Variants in MBD6 observed in about 807,000 individuals in gnomAD.
MBD6 encodes methyl-CpG binding domain protein 6, also known as methyl-CpG-binding domain protein 6.
In MBD6, 22 loss-of-function variants were observed where a neutral mutation model predicts 66.8. The observed-to-expected ratio is 0.33, with a 90% confidence interval of 0.24 to 0.47. MBD6 has a LOEUF of 0.47. Ranked by LOEUF, MBD6 falls within the 20% of genes least tolerant of loss-of-function variation. The pLI is 1.00. For synonymous variants in MBD6, 540 were observed against 534.6 expected, an observed-to-expected ratio of 1.01 and a Z score of -0.14; for missense variants, 1,322 against 1,286.9, an observed-to-expected ratio of 1.03 and a Z score of -0.42.
chr12:57,528,339 G>A lies in MBD6; in HGVS notation c.2599G>A (p.Gly867Ser), dbSNP rs754254277. The A allele has an allele frequency of 1.7e-5, 28 of 1,610,956 alleles. No homozygotes were observed. Among genetic ancestry groups the A allele is most frequent in the Admixed American group, 1.5e-4 (9 of 59,828 alleles). ...RGRRGGGGLR[G>S]INGEARPARG... is the part of the protein sequence containing the mutation. The stretch of plus-strand genomic sequence containing the variant: ...CCGGAGGGGAGGAGGGGGACTTAGG[G>A]GCATTAATGGTGAGGCCAGGCCAGC... Residue 867 changes from glycine to serine, a missense_variant, in exon 10 of 13, where the codon GGC becomes AGC. By Grantham distance (56) the Gly-to-Ser change is moderately conservative. Coordinates refer to ENST00000355673, the MANE Select transcript of MBD6 (RefSeq NM_052897.4).
chr12:57,527,591 G>C lies in MBD6; in HGVS notation c.2167G>C (p.Gly723Arg). The C allele has an allele frequency of 6.2e-7, 1 of 1,613,940 alleles. No homozygotes were observed. The highest frequency in any genetic ancestry group is 8.5e-7 in the Non-Finnish European group (1 of 1,179,962). Residue 723 changes from glycine to arginine, a missense_variant, in exon 8 of 13, where the codon GGC (glycine) becomes CGC (arginine). Gly to Arg is a moderately radical substitution (Grantham distance 125). Transcript: ENST00000355673. Reference protein sequence around the residue: ...ATTDPGASSLGKAPSNSGRPP... With the variant: ...ATTDPGASSLRKAPSNSGRPP... ...TACTGACCCGGGGGCCTCCTCTCTG[G>C]GCAAGGCCCCCTCCAACTCAGGGAG...
chr12:57,527,996 C>T lies in MBD6; in HGVS notation c.2385C>T (p.Ala795=), dbSNP rs780447457. ...TCTCAGAGGCTTCTAGTCCCCTAGC[C>T]TGCCTGCTACAGAGTCTCCAGGTGA... The part of the protein sequence containing the change: ...PPLSEASSPL[A]CLLQSLQIPP... The change falls in exon 9 of 13, where the codon GCC becomes GCT. Residue 795 remains alanine (A), a synonymous_variant. Coordinates refer to ENST00000355673, the MANE Select transcript of MBD6 (RefSeq NM_052897.4). The T allele has an allele frequency of 1.9e-6, 3 of 1,547,376 alleles. No homozygotes were observed. In the South Asian group the frequency reaches 3.7e-5, roughly 19 times the overall value.
chr12:57,528,759 T>A (rs575580967), intron 11 of MBD6, 41 bp downstream of exon 11: 25 of 1,613,082 alleles, frequency 1.5e-5, no homozygotes, highest in Non-Finnish European at 2.0e-5. Flanking sequence ...TTTGCCTACT[T>A]CTTTTTGGTT....
chr12:57,527,280 G>C, intron 7 of MBD6, 53 bp downstream of exon 7: 2 of 1,235,576 alleles, frequency 1.6e-6, no homozygotes, highest in South Asian at 1.5e-5. Context: ...ATAAGAGATG[G>C]GAGCTGGGAA....
Position 57,528,725 on chromosome 12 carries a change from G to C in MBD6, c.2873+7G>C. The C allele has an allele frequency of 6.2e-7, 1 of 1,614,226 alleles. No individual in the cohort carries two copies. Among genetic ancestry groups the C allele is most frequent in the Non-Finnish European group, 8.5e-7 (1 of 1,180,032 alleles). Reference sequence around the variant, plus strand: ...GCCGTAGGAGAAAATACAAGTGAGTGTTGGGCCTACTATAGTGCTGGCCTT... The same window carrying C: ...GCCGTAGGAGAAAATACAAGTGAGTCTTGGGCCTACTATAGTGCTGGCCTT... On this transcript the variant is annotated splice_region_variant and intron_variant, in intron 11 of 12. Coordinates refer to ENST00000355673, the MANE Select transcript of MBD6 (RefSeq NM_052897.4).
chr12:57,523,758 TCTA>T (rs891741672), intron 1 of MBD6, among the ~76,000 whole-genome samples: 32 of 152,310 alleles, frequency 2.1e-4, no homozygotes, highest in Admixed American at 1.8e-3. Context: ...GTTGAAGTCT[TCTA>T]CTCCGAATGG....
intron 2 of MBD6, 32 bp from the exon 3 acceptor site, chr12:57,524,248 C>T (rs1386045754): frequency 5.9e-6 from 8 of 1,349,906 alleles, no homozygotes; most frequent in East Asian, 2.3e-5. Context: ...GTTTAATCCT[C>T]CTAGTGCCTA....
At chr12:57,530,580 C>A, downstream of MBD6, 1 of 975,386 alleles carries the variant, frequency 1.0e-6, no homozygotes, top group South Asian at 1.6e-5. Flanking sequence ...CCCCCAGTGT[C>A]AAATGGGATG....
rs1202755835 is a variant in MBD6, at chr12:57,526,386, C to T, written c.1418C>T (p.Pro473Leu). Residue 473 changes from proline to leucine, a missense_variant and splice_region_variant, in exon 6 of 13, where the codon CCA (proline) becomes CTA (leucine). Physicochemically the swap from Pro to Leu is moderately conservative, Grantham distance 98. Coordinates refer to ENST00000355673, the MANE Select transcript of MBD6 (RefSeq NM_052897.4). Reference protein sequence around the residue: ...GTTSGSLSSVPGAPAPPAASK... With the variant: ...GTTSGSLSSVLGAPAPPAASK... ...ACCAGTGGCAGCCTCAGCAGTGTGCCAGGTATGTGAGTATTGTGGAGCCCT... is the reference window on the plus strand; with the variant it reads ...ACCAGTGGCAGCCTCAGCAGTGTGCTAGGTATGTGAGTATTGTGGAGCCCT... 6.3e-7 allele frequency: 1 copy of T among 1,581,638 alleles called. No homozygotes were observed. Among genetic ancestry groups the T allele is most frequent in the Non-Finnish European group, 8.6e-7 (1 of 1,163,942 alleles).
chr12:57,524,461 C>G, intron 3 of MBD6, 45 bp downstream of exon 3: 1 of 1,497,662 alleles, frequency 6.7e-7, no homozygotes, highest in Non-Finnish European at 9.1e-7. Flanking sequence ...TCCAGTTGCC[C>G]AGGTTTTCTT....
rs138145236 is a variant in MBD6 at position 57,529,222 on chromosome 12, A to G, written c.3000A>G (p.Lys1000=). The G allele has an allele frequency of 1.9e-5, 31 of 1,614,016 alleles. No homozygotes were observed. The highest frequency in any genetic ancestry group is 2.6e-5 in the Non-Finnish European group (31 of 1,179,986). ...PGRPAKNKRR[K]LAP ...GTCCTGCCAAAAACAAGAGGAGGAA[A>G]CTGGCCCCATAGCAGCCATACCTGG... Residue 1000 remains lysine (K), a synonymous_variant, in exon 13 of 13, where the codon AAA becomes AAG. Coordinates refer to ENST00000355673, the MANE Select transcript of MBD6 (RefSeq NM_052897.4).
Position 57,526,983 on chromosome 12 carries a change from C to T in MBD6, c.1838C>T (p.Pro613Leu), listed in dbSNP as rs780319005. Residue 613 changes from proline to leucine, a missense_variant, in exon 7 of 13, where the codon CCT becomes CTT. Pro to Leu is a moderately conservative substitution (Grantham distance 98). Coordinates refer to ENST00000355673, the MANE Select transcript of MBD6 (RefSeq NM_052897.4). ...LPPPPSDLLP[P>L]PSAPPSNLLA... ...CCACCACCCTCAGACCTTCTTCCAC[C>T]TCCTTCAGCACCTCCCAGCAACCTC... The T allele has an allele frequency of 1.9e-6, 3 of 1,613,716 alleles. No homozygotes were observed. Among genetic ancestry groups the T allele is most frequent in the Non-Finnish European group, 2.5e-6 (3 of 1,179,974 alleles).
chr12:57,524,537 C>G, intron 3 of MBD6, 121 bp downstream of exon 3: 2 of 1,105,336 alleles, frequency 1.8e-6, no homozygotes, highest in Non-Finnish European at 2.7e-6. Context: ...CCCCTTCCTT[C>G]CTCAGCCTTT....
In MBD6 at chr12:57,524,342, TG is replaced by T; in HGVS notation, c.44del (p.Gly15AlafsTer68). On this transcript the variant is annotated frameshift_variant, in exon 3 of 13. Transcript: ENST00000355673. LOFTEE classifies it high-confidence loss of function. ...ATGAGAGCAGTGGAGCAGACAGAGC[TG>T]GGGGCCCTGTGGCCACATCTGTCCC... ...GNESSGADRA[G>X]GPVATSVPIG... 1 of 1,591,588 alleles carries T rather than the reference TG, an allele frequency of 6.3e-7. No homozygotes were observed. The highest frequency in any genetic ancestry group is 1.1e-5 in the South Asian group (1 of 88,600).
chr12:57,530,768 G>T (rs1879610507), downstream of MBD6: 1 of 1,613,558 alleles, frequency 6.2e-7, no homozygotes, highest in South Asian at 1.1e-5. Flanking sequence ...ACGCATGGTT[G>T]TCTGCACCTA....
rs200042783 is a variant in MBD6 at position 57,528,249 on chromosome 12, C to T, written c.2509C>T (p.Pro837Ser). Reference sequence around the variant, plus strand: ...GCCTCCCCTCAGTGCCTTAGCCCCACCCCATGGTTCTCCCGACCCCCCAGT... The same window carrying T: ...GCCTCCCCTCAGTGCCTTAGCCCCATCCCATGGTTCTCCCGACCCCCCAGT... ...ARPPLSALAPPHGSPDPPVPE... is the reference protein window; with the variant it reads ...ARPPLSALAPSHGSPDPPVPE... The change falls in exon 10 of 13, where the codon CCC becomes TCC. Residue 837 changes from proline to serine, a missense_variant. Coordinates refer to ENST00000355673, the MANE Select transcript of MBD6 (RefSeq NM_052897.4). The T allele has an allele frequency of 5.0e-6, 8 of 1,607,068 alleles. No individual in the cohort carries two copies. In the African/African-American group the frequency reaches 6.7e-5, roughly 13 times the overall value.
rs1203055994 is a variant in MBD6 at position 57,525,955 on chromosome 12, G to A, written c.987G>A (p.Lys329=). ...GCAGCCTACTCTCTGCAGCGGCCAA[G>A]GCACAGCATCCCCCACTACCCCCTC... ...LASSLLSAAA[K]AQHPPLPPPS... Residue 329 remains lysine (K), a synonymous_variant, in exon 6 of 13, where the codon AAG becomes AAA. Transcript: ENST00000355673. 1.2e-6 allele frequency: 2 copies of A among 1,613,292 alleles called. No individual in the cohort carries two copies. Among genetic ancestry groups the A allele is most frequent in the Non-Finnish European group, 1.7e-6 (2 of 1,179,808 alleles).
Position 57,529,274 on chromosome 12 carries a change from A to G in MBD6, c.*40A>G. 6.2e-7 allele frequency: 1 copy of G among 1,610,546 alleles called. No homozygotes were observed. Among genetic ancestry groups the G allele is most frequent in the Non-Finnish European group, 8.5e-7 (1 of 1,177,348 alleles). ...GCTGGATCTGACCCTGATTGGGGAG[A>G]GCTGAGTGCTGAGCCTTGGGAGCCC... is the stretch of plus-strand genomic sequence containing the variant. On this transcript the variant is annotated 3_prime_UTR_variant, in exon 13 of 13. Coordinates refer to ENST00000355673, the MANE Select transcript of MBD6 (RefSeq NM_052897.4).
chr12:57,525,598 C>T lies in MBD6; in HGVS notation c.630C>T (p.Pro210=), dbSNP rs781327833. 1.9e-6 allele frequency: 3 copies of T among 1,612,570 alleles called. No homozygotes were observed. Among genetic ancestry groups the T allele is most frequent in the South Asian group, 1.1e-5 (1 of 90,856 alleles). The change falls in exon 6 of 13, where the codon CCC becomes CCT. Residue 210 remains proline (P), a synonymous_variant. Coordinates refer to ENST00000355673, the MANE Select transcript of MBD6 (RefSeq NM_052897.4). The stretch of plus-strand genomic sequence containing the variant: ...GTTTCCTCCCAAGGGGCAATGCCCC[C>T]TCTCCAGCCCCACCTCCTCCACCTG... ...SPRFLPRGNA[P]SPAPPPPPAI...
Sources: allele counts gnomAD v4.1 joint callset (sites outside exome capture counted in the v4.1 genomes callset), GRCh38; gene constraint gnomAD v4.1.1; transcripts MANE v1.5; gene names NCBI Gene and HGNC (gene_info 2026-07-23, HGNC 2026-07-21).